The following MTUS2 variants were observed in gnomAD, a reference collection of about 807,000 sequenced individuals.
MTUS2 encodes microtubule associated scaffold protein 2, also known as microtubule-associated tumor suppressor candidate 2.
In MTUS2, 40 loss-of-function variants were observed where a neutral mutation model predicts 114.1. The ratio of observed to expected loss-of-function variants is 0.35; its 90% CI spans 0.27 to 0.46. The LOEUF (loss-of-function observed/expected upper bound fraction) is 0.46, where lower values mean the gene tolerates loss of function less well. MTUS2 is among the 20% of genes least tolerant of loss of function. MTUS2 has a pLI of 1.00. For missense variants in MTUS2, 1,679 were observed against 1,705.4 expected, an observed-to-expected ratio of 0.98 and a Z score of 0.27; for synonymous variants, 688 against 672.0, an observed-to-expected ratio of 1.02 and a Z score of -0.37.
chr13:29,371,241 G>A (rs1406954920), intron 8 of MTUS2, among the ~76,000 whole-genome samples: 1 of 139,110 alleles, frequency 7.2e-6, no homozygotes, highest in African/African-American at 2.7e-5. Context: ...TTTTTGAGAT[G>A]GAGTCTCGCT....
At chr13:28,983,103 G>GT (rs964641467) in intron 2 of MTUS2, among the ~76,000 whole-genome samples, 2 of 152,172 alleles carry the variant, frequency 1.3e-5, no homozygotes, top group South Asian at 2.1e-4. Flanking sequence ...AAGCCAGCAG[G>GT]TTTTTTACCT....
chr13:29,330,077 G>C (rs996784775), intron 7 of MTUS2, among the ~76,000 whole-genome samples: 1 of 152,094 alleles, frequency 6.6e-6, no homozygotes, highest in South Asian at 2.1e-4. Context: ...GTATAAAAGC[G>C]TTCCTATTTC....
intron 7 of MTUS2, 82 bp downstream of exon 7, chr13:29,324,793 A>G (rs1900412528): frequency 1.0e-6 from 1 of 998,678 alleles, no homozygotes; most frequent in Admixed American, 2.1e-5. Context: ...TAATGGAGCA[A>G]TGCCAACCCA....
chr13:28,945,994 G>A (rs1166971888), intron 2 of MTUS2, among the ~76,000 whole-genome samples: 1 of 152,162 alleles, frequency 6.6e-6, no homozygotes, highest in Non-Finnish European at 1.5e-5. Flanking sequence ...GGATGATGAT[G>A]TATTCAGTAG....
intron 9 of MTUS2, among the ~76,000 whole-genome samples, chr13:29,471,494 G>A (rs1387387863): frequency 2.0e-5 from 3 of 152,184 alleles, no homozygotes; most frequent in Non-Finnish European, 2.9e-5. Context: ...TTTATTGACT[G>A]TTGGCCTGCC....
chr13:29,476,440 T>G (rs1880709866), intron 9 of MTUS2: 1 of 152,244 alleles, frequency 6.6e-6, no homozygotes, highest in Non-Finnish European at 1.5e-5. Flanking sequence ...TGAACTTTCC[T>G]TCTATAAAAA....
At chr13:29,012,312 C>T (rs1005521528) in intron 2 of MTUS2, among the ~76,000 whole-genome samples, 4 of 152,136 alleles carry the variant, frequency 2.6e-5, no homozygotes, top group South Asian at 4.2e-4. Flanking sequence ...CGCCCACTCC[C>T]GGGAATCAGC....
Position 28,843,162 on chromosome 13 carries a change from A to C in MTUS2, c.-243+3312A>C, listed in dbSNP as rs561049366. 9.8e-5 allele frequency among the ~76,000 whole-genome samples: 15 copies of C among 152,312 alleles called. No homozygotes were observed. In the South Asian group the frequency reaches 3.1e-3, roughly 32 times the overall value. ...TATCATTAGAGGACACCAGCTGAAC[A>C]AGGCCAGGGGAATCCTAGAACTAAA... On this transcript the variant is annotated intron_variant, in intron 2 of 15. Transcript: ENST00000612955.
intron 2 of MTUS2, among the ~76,000 whole-genome samples, chr13:28,922,288 A>G (rs1881086142): frequency 6.6e-6 from 1 of 152,170 alleles, no homozygotes; most frequent in Non-Finnish European, 1.5e-5. Context: ...TTTCTTTATA[A>G]GTTACCCAGT....
At chr13:29,246,072 T>C (rs1593217212) in intron 5 of MTUS2, among the ~76,000 whole-genome samples, 1 of 152,344 alleles carries the variant, frequency 6.6e-6, no homozygotes, top group East Asian at 1.9e-4. Context: ...ATTTATGTCA[T>C]ATAAAATCCT....
chr13:29,419,746 A>C (rs1421762318), intron 8 of MTUS2, among the ~76,000 whole-genome samples: 1 of 152,230 alleles, frequency 6.6e-6, no homozygotes, highest in African/African-American at 2.4e-5. Flanking sequence ...GGTCTTCTTC[A>C]GGACACATGT....
At chr13:29,228,701 G>C (rs535917320) in intron 5 of MTUS2, among the ~76,000 whole-genome samples, 27 of 152,236 alleles carry the variant, frequency 1.8e-4, no homozygotes, top group African/African-American at 6.5e-4. Flanking sequence ...GGTGGAAGGG[G>C]TGCAGAGAGA....
At chr13:29,326,382 C>G (rs1295596526) in intron 7 of MTUS2, among the ~76,000 whole-genome samples, 1 of 152,000 alleles carries the variant, frequency 6.6e-6, no homozygotes, top group African/African-American at 2.4e-5. Context: ...TAAATAAGGT[C>G]CTTATATTCT....
Position 29,216,006 on chromosome 13 carries a change from C to G in MTUS2, c.2645-65698C>G, listed in dbSNP as rs566809659. 5.9e-5 allele frequency among the ~76,000 whole-genome samples: 9 copies of G among 152,264 alleles called. No individual in the cohort carries two copies. In the East Asian group the frequency reaches 1.7e-3, roughly 29 times the overall value. Reference sequence around the variant, plus strand: ...GTCCTCTTCCCCCAGGTGCTCTGTCCCAGGGAGATCGGAGTTTTATCTGTA... The same window carrying G: ...GTCCTCTTCCCCCAGGTGCTCTGTCGCAGGGAGATCGGAGTTTTATCTGTA... On this transcript the variant is annotated intron_variant, in intron 5 of 15. Coordinates refer to ENST00000612955, the MANE Select transcript of MTUS2 (RefSeq NM_001033602.4).
chr13:28,984,863 A>G (rs1382695733), intron 2 of MTUS2, among the ~76,000 whole-genome samples: 4 of 152,252 alleles, frequency 2.6e-5, no homozygotes, highest in Admixed American at 1.3e-4. Flanking sequence ...TCTCAAAAAG[A>G]CTATAAATAG....
chr13:28,915,785 G>A (rs1282937495), intron 2 of MTUS2, among the ~76,000 whole-genome samples: 2 of 151,802 alleles, frequency 1.3e-5, no homozygotes, highest in East Asian at 3.9e-4. Flanking sequence ...TTGCTGTACA[G>A]AAGCTTTTTA....
At chr13:28,942,808 G>A (rs1882317481) in intron 2 of MTUS2, among the ~76,000 whole-genome samples, 1 of 152,216 alleles carries the variant, frequency 6.6e-6, no homozygotes, top group Non-Finnish European at 1.5e-5. Flanking sequence ...GAGGACAGCA[G>A]GGAGGAGGGA....
chr13:29,409,385 A>G (rs1047853552), intron 8 of MTUS2, among the ~76,000 whole-genome samples: 2 of 152,232 alleles, frequency 1.3e-5, no homozygotes, highest in African/African-American at 2.4e-5. Context: ...TATATGCTAT[A>G]TAGTTAAGAT....
At chr13:29,265,600 G>T (rs1305646389) in intron 5 of MTUS2, among the ~76,000 whole-genome samples, 1 of 152,164 alleles carries the variant, frequency 6.6e-6, no homozygotes, top group East Asian at 1.9e-4. Flanking sequence ...TTGGCTCATG[G>T]TTCTGCAGGC....
Sources: allele counts gnomAD v4.1 joint callset (sites outside exome capture counted in the v4.1 genomes callset), GRCh38; gene constraint gnomAD v4.1.1; transcripts MANE v1.5; gene names NCBI Gene and HGNC (gene_info 2026-07-23, HGNC 2026-07-21).